The following MTCH1 variants were observed in gnomAD, a reference collection of about 807,000 sequenced individuals.
MTCH1 encodes the protein mitochondrial carrier homolog 1.
In MTCH1, 23 loss-of-function variants were observed where a neutral mutation model predicts 49.3. The observed-to-expected ratio is 0.47, with a 90% CI of 0.34 to 0.66. MTCH1 has a LOEUF of 0.66. Among genes scored for constraint, MTCH1 ranks in the 30% least tolerant of loss-of-function variants. The pLI is 0.01. For synonymous variants in MTCH1, 229 were observed against 215.2 expected (o/e 1.06, Z -0.56); for missense variants, 397 against 532.1 (o/e 0.75, Z 2.50).
intron 7 of MTCH1, among the ~76,000 whole-genome samples, chr6:36,974,530 C>T (rs1373086944): frequency 2.0e-5 from 3 of 152,100 alleles, no homozygotes; most frequent in Non-Finnish European, 4.4e-5. Flanking sequence ...GCAACGACAC[C>T]TGACTGAATA....
intron 8 of MTCH1, 102 bp from the exon 9 acceptor site, chr6:36,970,796 A>G (rs547774053): frequency 7.8e-7 from 1 of 1,274,678 alleles, no homozygotes; most frequent in African/African-American, 1.5e-5. Flanking sequence ...GCTCCTCACA[A>G]GCACGCTGCA....
At chr6:36,978,694 C>G (rs574626442) in intron 2 of MTCH1, 83 bp from the exon 3 acceptor site, 2 of 1,239,726 alleles carry the variant, frequency 1.6e-6, no homozygotes, top group Non-Finnish European at 2.3e-6. Context: ...AGACCAGGCT[C>G]GGCTTGTCCT....
chr6:36,975,067 C>T (rs1368926548), intron 7 of MTCH1, among the ~76,000 whole-genome samples: 1 of 152,188 alleles, frequency 6.6e-6, no homozygotes, highest in Non-Finnish European at 1.5e-5. Flanking sequence ...CTGCGGCCCT[C>T]GGAGACCATG....
intron 7 of MTCH1, among the ~76,000 whole-genome samples, 200 bp downstream of exon 7, chr6:36,975,457 CT>C (rs1483958765): frequency 6.6e-6 from 1 of 152,236 alleles, no homozygotes; most frequent in Non-Finnish European, 1.5e-5. Flanking sequence ...CACAGTTCCA[CT>C]TTTACATGAG....
At chr6:36,983,896 C>A (rs1054486035) in intron 1 of MTCH1, among the ~76,000 whole-genome samples, 4 of 152,204 alleles carry the variant, frequency 2.6e-5, no homozygotes, top group Non-Finnish European at 5.9e-5. Context: ...TCAACACCAG[C>A]TGGGTTCAAA....
At chr6:36,983,286 T>C (rs527941357) in intron 1 of MTCH1, among the ~76,000 whole-genome samples, 20 of 152,194 alleles carry the variant, frequency 1.3e-4, no homozygotes, top group Admixed American at 2.6e-4. Flanking sequence ...AGCTCCAAGG[T>C]TGTTCTGAAT....
chr6:36,969,605 G>GA, intron 11 of MTCH1: 1 of 1,185,094 alleles, frequency 8.4e-7, no homozygotes. Context: ...CTGGGCCCAG[G>GA]AATGTCCTGC....
In MTCH1 at chr6:36,968,699, C is replaced by T. The variant is rs546904388; in HGVS notation, c.*204G>A. 34 of 793,116 alleles carry T rather than the reference C, an allele frequency of 4.3e-5. No individual in the cohort carries two copies. Among genetic ancestry groups the T allele is most frequent in the African/African-American group, 1.0e-4 (6 of 58,274 alleles). The allele number at this position is 793,116 out of a possible 1,614,324, so 49.1% of individuals were successfully genotyped here. A position where few individuals can be genotyped will look rare whatever the true frequency, so the allele number is the denominator to read the frequency against. On this transcript the variant is annotated 3_prime_UTR_variant, in exon 12 of 12. Coordinates refer to ENST00000373627, the MANE Select transcript of MTCH1 (RefSeq NM_001271641.2). ...CTCGCCTCACCTTCCCTAGGTCTGC[C>T]GGGTGACCCAATCCACTGGGTGCAG...
At chr6:36,974,534 C>G (rs544376082) in intron 7 of MTCH1, among the ~76,000 whole-genome samples, 1 of 152,102 alleles carries the variant, frequency 6.6e-6, no homozygotes, top group Non-Finnish European at 1.5e-5. Context: ...CGACACCTGA[C>G]TGAATAAGTC....
In MTCH1 at chr6:36,977,257, A is replaced by G. The variant is rs201692161; in HGVS notation, c.650-7T>C. On this transcript the variant is annotated splice_region_variant and splice_polypyrimidine_tract_variant and intron_variant, in intron 5 of 11. Coordinates refer to ENST00000373627, the MANE Select transcript of MTCH1 (RefSeq NM_001271641.2). This position sits in a 1 kb window ranked among gnomAD's most constrained non-coding sequence, Gnocchi z 5.4. ...ATGCAGCGCATTGAGATGACTGAGG[A>G]AAAAAAAGAAAACACACACAGGTGA... 1.0e-4 allele frequency: 169 copies of G among 1,613,246 alleles called. 1 individual carries two copies. The East Asian group carries it at 3.1e-3, about 30-fold the overall frequency.
chr6:36,976,012 A>C (rs1240215308), intron 6 of MTCH1, among the ~76,000 whole-genome samples: 1 of 152,120 alleles, frequency 6.6e-6, no homozygotes, highest in Non-Finnish European at 1.5e-5. Context: ...GCATCTCCTA[A>C]CTTGGGCCAC....
chr6:36,969,154 C>A, intron 11 of MTCH1, 180 bp from the exon 12 acceptor site: 1 of 985,370 alleles, frequency 1.0e-6, no homozygotes, highest in Non-Finnish European at 1.2e-6. Context: ...CAGAAGGGAG[C>A]GGTTCATTTC....
At chr6:36,970,570 C>T in intron 9 of MTCH1, 77 bp downstream of exon 9, 1 of 1,608,896 alleles carries the variant, frequency 6.2e-7, no homozygotes, top group Non-Finnish European at 8.5e-7. Flanking sequence ...TGCCTCCAGC[C>T]ATTACCAGGG....
chr6:36,975,325 T>C (rs1561906789), intron 7 of MTCH1, among the ~76,000 whole-genome samples: 1 of 152,242 alleles, frequency 6.6e-6, no homozygotes, highest in Admixed American at 6.5e-5. Context: ...TTTTCAGTCA[T>C]GTTTTAGCAG....
At chr6:36,970,287 C>T in intron 10 of MTCH1, 119 bp downstream of exon 10, 1 of 1,471,722 alleles carries the variant, frequency 6.8e-7, no homozygotes, top group Non-Finnish European at 9.4e-7. Flanking sequence ...GGGTGCCTGG[C>T]AGGCCAAGCC....
chr6:36,985,628 C>T (rs1583271726), intron 1 of MTCH1, among the ~76,000 whole-genome samples: 1 of 152,036 alleles, frequency 6.6e-6, no homozygotes, highest in Non-Finnish European at 1.5e-5. Flanking sequence ...TCTGTTATTA[C>T]TCTAACCCCT....
In MTCH1 at chr6:36,977,541, G is replaced by C; in HGVS notation, c.649+93C>G. 1.2e-6 allele frequency: 1 copy of C among 858,302 alleles called. No homozygotes were observed. Among genetic ancestry groups the C allele is most frequent in the Non-Finnish European group, 1.9e-6 (1 of 533,878 alleles). 53.2% of individuals were successfully genotyped at this position (858,302 alleles called of 1,614,324 possible). On this transcript the variant is annotated intron_variant, in intron 5 of 11. Coordinates refer to ENST00000373627, the MANE Select transcript of MTCH1 (RefSeq NM_001271641.2). This position sits in a 1 kb window ranked among gnomAD's most constrained non-coding sequence, Gnocchi z 5.4. ...CACTACCACTTCCCAACAGGTCTAC[G>C]GCTGTCTATGTACAGTCCACGAGGG...
At chr6:36,969,552 G>T in intron 11 of MTCH1, 1 of 1,149,634 alleles carries the variant, frequency 8.7e-7, no homozygotes, top group Non-Finnish European at 1.1e-6. Context: ...GGTTGGTACT[G>T]CTGCCAGTTC....
rs369205303 is a variant in MTCH1 at position 36,978,477 on chromosome 6, G to T, written c.513+28C>A. The T allele has an allele frequency of 2.5e-6, 4 of 1,606,906 alleles. No individual in the cohort carries two copies. The South Asian group carries it at 4.4e-5, about 18-fold the overall frequency. On this transcript the variant is annotated intron_variant, in intron 3 of 11. Transcript: ENST00000373627. ...CTGGGAGTATGAGGAAACCTCGGGC[G>T]ACTGTTCCTGGCTTTGTGTGGGCTC...
Sources: allele counts gnomAD v4.1 joint callset (sites outside exome capture counted in the v4.1 genomes callset), GRCh38; gene constraint gnomAD v4.1.1; non-coding constraint Gnocchi (gnomAD v3.1); transcripts MANE v1.5; gene names NCBI Gene and HGNC (gene_info 2026-07-23, HGNC 2026-07-21).